The following SORBS2 variants were observed in gnomAD, a reference collection of about 807,000 sequenced individuals.
The protein encoded by SORBS2 is sorbin and SH3 domain-containing protein 2.
Under a neutral mutation model 97.7 loss-of-function variants are expected in SORBS2, and 46 were observed. That is an observed-to-expected ratio of 0.47 (90% CI 0.37 to 0.60). The LOEUF is 0.60. Among genes scored for constraint, SORBS2 ranks in the 20% least tolerant of loss-of-function variants. The pLI, the probability that SORBS2 is intolerant of heterozygous loss-of-function variation, is 0.00. For synonymous variants in SORBS2, 476 were observed against 473.4 expected (o/e 1.01, Z -0.07); for missense variants, 1,316 against 1,282.3 (o/e 1.03, Z -0.40).
At position 185,607,097 on chromosome 4, in the gene SORBS2, C is replaced by T; in HGVS notation, c.2796+4683G>A. 9.4e-7 allele frequency: 1 copy of T among 1,058,390 alleles called. No individual in the cohort carries two copies. The highest frequency in any genetic ancestry group is 1.1e-6 in the Non-Finnish European group (1 of 872,402). 65.6% of individuals were successfully genotyped at this position (1,058,390 alleles called of 1,614,324 possible). On this transcript the variant is annotated intron_variant, in intron 12 of 14. Coordinates refer to ENST00000418609, the Ensembl canonical transcript of SORBS2. This position sits in a 1 kb window ranked among gnomAD's most constrained non-coding sequence, Gnocchi z 5.2. ...AATGGGAGGAGGACAGCAGGTTCCTCCTTAATTTCCAGGATGGCGTCCTCT... is the reference window on the plus strand; with the variant it reads ...AATGGGAGGAGGACAGCAGGTTCCTTCTTAATTTCCAGGATGGCGTCCTCT...
intron 1 of SORBS2, among the ~76,000 whole-genome samples, chr4:185,856,120 C>T (rs144528385): frequency 2.2e-4 from 34 of 152,218 alleles, no homozygotes; most frequent in Admixed American, 3.9e-4. Flanking sequence ...TCTCACATTC[C>T]GTTCTGTTAT....
chr4:185,906,493 C>A (rs1321259736), intron 1 of SORBS2, among the ~76,000 whole-genome samples: 2 of 152,188 alleles, frequency 1.3e-5, no homozygotes, highest in Admixed American at 1.3e-4. Context: ...ATATTTGGGT[C>A]AAAACCAAAA....
intron 2 of SORBS2, among the ~76,000 whole-genome samples, chr4:185,713,648 T>TAGGCACCACTTAGG (rs2098442808): frequency 6.6e-6 from 1 of 152,198 alleles, no homozygotes; most frequent in Non-Finnish European, 1.5e-5. Flanking sequence ...GTAGTCAGCT[T>TAGGCACCACTTAGG]CACCACTTAG....
chr4:185,942,036 A>G (rs1304573182), intron 1 of SORBS2, among the ~76,000 whole-genome samples: 1 of 152,088 alleles, frequency 6.6e-6, no homozygotes, highest in Non-Finnish European at 1.5e-5. Context: ...GAATCACTTG[A>G]ACCCAGGAGG....
intron 12 of SORBS2, among the ~76,000 whole-genome samples, chr4:185,610,719 A>G (rs2096523864): frequency 6.6e-6 from 1 of 151,994 alleles, no homozygotes; most frequent in Non-Finnish European, 1.5e-5. Context: ...AAGTGACTTC[A>G]CACTTTAGTA....
chr4:185,624,228 C>T, exon 7 of SORBS2: 1 of 1,614,194 alleles, frequency 6.2e-7, no homozygotes, highest in East Asian at 2.2e-5. Context: ...ACTTTCGGGT[C>T]CGGGAAGCTA....
At chr4:185,603,334 G>A (rs74702790) in intron 12 of SORBS2, among the ~76,000 whole-genome samples, 10,266 of 152,056 alleles carry the variant, frequency 0.068, 422 homozygotes, top group African/African-American at 0.11. Context: ...TTAGCCTTAG[G>A]CATCATATAA....
intron 1 of SORBS2, among the ~76,000 whole-genome samples, chr4:185,807,208 TA>T (rs1438492583): frequency 6.6e-6 from 1 of 152,142 alleles, no homozygotes; most frequent in Non-Finnish European, 1.5e-5. Flanking sequence ...ATAATATGAA[TA>T]TATAAAGAGA....
At chr4:185,611,272 G>T (rs962556527) in intron 12 of SORBS2, among the ~76,000 whole-genome samples, 1 of 151,606 alleles carries the variant, frequency 6.6e-6, no homozygotes, top group African/African-American at 2.4e-5. Flanking sequence ...CTAATAACCC[G>T]GTGTTCTTGT....
chr4:185,587,468 A>G, exon 15 of SORBS2: 2 of 643,890 alleles, frequency 3.1e-6, no homozygotes, highest in Non-Finnish European at 5.6e-6. Flanking sequence ...GGCTCACAGC[A>G]GCGGCGGCTA....
At chr4:185,767,355 C>T (rs1399326661) in intron 2 of SORBS2, among the ~76,000 whole-genome samples, 1 of 141,846 alleles carries the variant, frequency 7.0e-6, no homozygotes, top group Non-Finnish European at 1.6e-5. Context: ...AAAAAATTAG[C>T]CGGGCGTGGT....
At chr4:185,791,378 T>C (rs570095505) in intron 1 of SORBS2, among the ~76,000 whole-genome samples, 104 of 152,276 alleles carry the variant, frequency 6.8e-4, no homozygotes, top group African/African-American at 2.4e-3. Context: ...ACATAGACCT[T>C]GGGTGTGGAA....
At chr4:185,760,687 CAA>C (rs972637293) in intron 2 of SORBS2, among the ~76,000 whole-genome samples, 2 of 152,206 alleles carry the variant, frequency 1.3e-5, no homozygotes, top group Non-Finnish European at 2.9e-5. Flanking sequence ...AGATACACCA[CAA>C]AAAAGCTCGG....
chr4:185,717,983 G>T lies in SORBS2; in HGVS notation c.-197-39161C>A, dbSNP rs367780403. Among the ~76,000 whole-genome samples the T allele has an allele frequency of 1.4e-4, 21 of 152,290 alleles. 1 individual carries two copies. Among genetic ancestry groups the T allele is most frequent in the African/African-American group, 4.8e-4 (20 of 41,566 alleles). On this transcript the variant is annotated intron_variant, in intron 2 of 20. Coordinates refer to the SORBS2 transcript ENST00000284776. Reference sequence around the variant, plus strand: ...TGGCCGGGCGCAGTGGCTCACGCCTGCAACCCCGACACTTTGGGAGGTGGA... The same window carrying T: ...TGGCCGGGCGCAGTGGCTCACGCCTTCAACCCCGACACTTTGGGAGGTGGA...
intron 2 of SORBS2, among the ~76,000 whole-genome samples, chr4:185,756,719 C>CTTTTTTT: frequency 7.6e-6 from 1 of 131,596 alleles, no homozygotes; most frequent in Non-Finnish European, 1.6e-5. Context: ...ACTGTTAAAG[C>CTTTTTTT]TTTTTTTTTT....
At chr4:185,639,232 C>A (rs2097087971) in intron 4 of SORBS2, among the ~76,000 whole-genome samples, 197 bp from the exon 14 acceptor site, 1 of 152,174 alleles carries the variant, frequency 6.6e-6, no homozygotes, top group Non-Finnish European at 1.5e-5. Flanking sequence ...AGGAGTGGAT[C>A]CCCAGGATTC....
At chr4:185,895,778 T>A (rs554679152) in intron 1 of SORBS2, among the ~76,000 whole-genome samples, 4 of 152,372 alleles carry the variant, frequency 2.6e-5, no homozygotes, top group Admixed American at 2.0e-4. Flanking sequence ...AATTTCTTTT[T>A]CAGAGAAGTA....
intron 4 of SORBS2, among the ~76,000 whole-genome samples, chr4:185,631,786 C>A (rs375876520): frequency 6.6e-6 from 1 of 151,266 alleles, no homozygotes; most frequent in Non-Finnish European, 1.5e-5. Flanking sequence ...CAAAAAACAA[C>A]AAAAAAACAA....
At chr4:185,723,434 G>A (rs531380801) in intron 2 of SORBS2, among the ~76,000 whole-genome samples, 3 of 152,292 alleles carry the variant, frequency 2.0e-5, no homozygotes, top group South Asian at 2.1e-4. Flanking sequence ...ATTTAACAGA[G>A]CAATCTATTT....
Sources: gnomAD v4.1 joint callset for allele counts (sites outside exome capture counted in the v4.1 genomes callset) on GRCh38, gnomAD v4.1.1 for gene constraint, Gnocchi (gnomAD v3.1) non-coding constraint, MANE v1.5 for transcripts, NCBI Gene and HGNC (gene_info 2026-07-23, HGNC 2026-07-21) for gene names.